Variants in NCAM2 observed in about 807,000 individuals in gnomAD.
The protein encoded by NCAM2 is N-CAM-2.
Under a neutral mutation model 98.1 loss-of-function variants are expected in NCAM2, and 30 were observed. That is an observed-to-expected ratio of 0.31 (90% CI 0.23 to 0.41). NCAM2 has a LOEUF of 0.41. NCAM2 is among the 10% of genes least tolerant of loss of function. The pLI is 1.00. For synonymous variants in NCAM2, 368 were observed against 342.4 expected, an observed-to-expected ratio of 1.07 and a Z score of -0.83; for missense variants, 867 against 1,005.8, an observed-to-expected ratio of 0.86 and a Z score of 1.87.
At chr21:21,342,187 C>A (rs143444651) in intron 8 of NCAM2, among the ~76,000 whole-genome samples, 36 of 152,260 alleles carry the variant, frequency 2.4e-4, no homozygotes, top group African/African-American at 8.4e-4. Context: ...TCACCATATA[C>A]ATAACTATCT....
At chr21:21,236,368 A>G (rs2070823513) in intron 1 of NCAM2, among the ~76,000 whole-genome samples, 1 of 152,086 alleles carries the variant, frequency 6.6e-6, no homozygotes, top group African/African-American at 2.4e-5. Context: ...TTTTTAAGTT[A>G]ATAAACTAAA....
At chr21:21,286,724 ATG>A (rs1407784103) in intron 4 of NCAM2, among the ~76,000 whole-genome samples, 1 of 151,914 alleles carries the variant, frequency 6.6e-6, no homozygotes, top group East Asian at 1.9e-4. Flanking sequence ...GCCTAAAAAA[ATG>A]TACAATCGTT....
chr21:20,998,876 T>G (rs367868409), intron 1 of NCAM2, among the ~76,000 whole-genome samples: 27 of 152,134 alleles, frequency 1.8e-4, no homozygotes, highest in African/African-American at 4.6e-4. Flanking sequence ...GGAAACCGCT[T>G]CTTCTTCTTC....
At chr21:21,144,841 A>G (rs2146670412) in intron 1 of NCAM2, among the ~76,000 whole-genome samples, 1 of 152,306 alleles carries the variant, frequency 6.6e-6, no homozygotes, top group Non-Finnish European at 1.5e-5. Context: ...AATGCTTAAG[A>G]AATGGAATAT....
chr21:21,345,951 A>T (rs1365864978), intron 8 of NCAM2, among the ~76,000 whole-genome samples: 1 of 152,098 alleles, frequency 6.6e-6, no homozygotes. Flanking sequence ...AATCACCCTC[A>T]CTGAAGGAAG....
intron 12 of NCAM2, among the ~76,000 whole-genome samples, chr21:21,448,196 A>T (rs1004721094): frequency 6.6e-6 from 1 of 152,156 alleles, no homozygotes; most frequent in African/African-American, 2.4e-5. Context: ...CATAAACACC[A>T]TGGAATACTA....
chr21:21,373,404 A>T (rs754317092), intron 8 of NCAM2, among the ~76,000 whole-genome samples: 1 of 151,932 alleles, frequency 6.6e-6, no homozygotes, highest in East Asian at 1.9e-4. Flanking sequence ...GGATGTTGCC[A>T]TGTAAATATA....
At chr21:21,382,610 G>T (rs1042297480) in intron 9 of NCAM2, among the ~76,000 whole-genome samples, 1 of 151,656 alleles carries the variant, frequency 6.6e-6, no homozygotes. Flanking sequence ...TCACCTCCTG[G>T]GTTCAAGCGA....
Position 21,205,791 on chromosome 21 carries a change from G to A in NCAM2, c.56-74787G>A, listed in dbSNP as rs541092815. Among the ~76,000 whole-genome samples the A allele has an allele frequency of 3.9e-5, 6 of 152,236 alleles. No individual in the cohort carries two copies. The South Asian group carries it at 1.2e-3, about 32-fold the overall frequency. Reference sequence around the variant, plus strand: ...TGGAAGCTGCAAAGTCCAAGATTAGGTGTCAGCAGATTTGGTATCTGGCGA... The same window carrying A: ...TGGAAGCTGCAAAGTCCAAGATTAGATGTCAGCAGATTTGGTATCTGGCGA... On this transcript the variant is annotated intron_variant, in intron 1 of 17. Transcript: ENST00000400546.
intron 16 of NCAM2, among the ~76,000 whole-genome samples, chr21:21,513,752 A>C (rs1340817689): frequency 2.0e-5 from 3 of 151,914 alleles, no homozygotes; most frequent in African/African-American, 7.3e-5. Context: ...TTCTCTGTTG[A>C]TTTTCTGCCT....
At chr21:21,382,387 A>G (rs983708779) in intron 9 of NCAM2, among the ~76,000 whole-genome samples, 5 of 152,080 alleles carry the variant, frequency 3.3e-5, no homozygotes, top group African/African-American at 1.2e-4. Flanking sequence ...AGTTTTATCT[A>G]TCTCATTTCT....
At chr21:21,361,862 G>A (rs1474144890) in intron 8 of NCAM2, among the ~76,000 whole-genome samples, 2 of 151,818 alleles carry the variant, frequency 1.3e-5, no homozygotes, top group Non-Finnish European at 2.9e-5. Context: ...AACATCTTTG[G>A]CTTTTATTTA....
At chr21:21,534,141 A>G (rs1989858735) in intron 16 of NCAM2, among the ~76,000 whole-genome samples, 1 of 151,958 alleles carries the variant, frequency 6.6e-6, no homozygotes, top group African/African-American at 2.4e-5. Context: ...TTATTTTAAA[A>G]ATGTTTTGAA....
At chr21:21,083,053 GTC>G (rs2065841022) in intron 1 of NCAM2, among the ~76,000 whole-genome samples, 1 of 152,140 alleles carries the variant, frequency 6.6e-6, no homozygotes, top group Non-Finnish European at 1.5e-5. Context: ...CTGTAAATTT[GTC>G]TCTCTTGCTG....
chr21:21,117,752 C>A (rs867599169), intron 1 of NCAM2, among the ~76,000 whole-genome samples: 1 of 152,024 alleles, frequency 6.6e-6, no homozygotes, highest in Non-Finnish European at 1.5e-5. Flanking sequence ...TATCTTTGTT[C>A]GTGATTCTGC....
rs146549545 is a variant in NCAM2 at position 21,335,846 on chromosome 21, A to G, written c.898+181A>G. On this transcript the variant is annotated intron_variant, in intron 7 of 17. Transcript: ENST00000400546. ...TTTTTGAAGAATAACGTAAAATTACATATGCAAATTTTTGTAAGTCATTGA... is the reference window on the plus strand; with the variant it reads ...TTTTTGAAGAATAACGTAAAATTACGTATGCAAATTTTTGTAAGTCATTGA... 2.6e-3 allele frequency among the ~76,000 whole-genome samples: 389 copies of G among 152,318 alleles called. 4 individuals carry two copies. Among genetic ancestry groups the G allele is most frequent in the East Asian group, 6.7e-3 (35 of 5,188 alleles).
intron 1 of NCAM2, among the ~76,000 whole-genome samples, chr21:21,238,682 A>G (rs1828237191): frequency 6.6e-6 from 1 of 152,152 alleles, no homozygotes; most frequent in Non-Finnish European, 1.5e-5. Flanking sequence ...AGCACTTTTC[A>G]AAAGAGTTAA....
intron 8 of NCAM2, among the ~76,000 whole-genome samples, chr21:21,345,965 G>C (rs538629784): frequency 6.2e-4 from 94 of 151,954 alleles, no homozygotes; most frequent in African/African-American, 2.2e-3. Flanking sequence ...AAGGAAGACA[G>C]GAAGGATAGA....
At position 21,479,583 on chromosome 21, in the gene NCAM2, CAAAAA is replaced by C. The variant is rs1156588500; in HGVS notation, c.2077+2133_2077+2137del. The stretch of plus-strand genomic sequence containing the variant: ...TGGGAGACAGAGCGAGACTGCGTCT[CAAAAA>C]AAAAAAAAAAAAAAAAAAAATTGTT... On this transcript the variant is annotated intron_variant, in intron 15 of 17. Coordinates refer to ENST00000400546, the MANE Select transcript of NCAM2 (RefSeq NM_004540.5). Among the ~76,000 whole-genome samples, 94 of 30,956 alleles carry C rather than the reference CAAAAA, an allele frequency of 3.0e-3. 1 individual carries two copies. The highest frequency in any genetic ancestry group is 6.2e-3 in the African/African-American group (57 of 9,196). 20.3% of individuals were successfully genotyped at this position (30,956 alleles called of 152,430 possible).
Sources: gnomAD v4.1 joint callset for allele counts (sites outside exome capture counted in the v4.1 genomes callset) on GRCh38, gnomAD v4.1.1 for gene constraint, MANE v1.5 for transcripts, NCBI Gene and HGNC (gene_info 2026-07-23, HGNC 2026-07-21) for gene names.